Variants in SEMA3C observed in about 807,000 individuals in gnomAD.
SEMA3C encodes the protein semaphorin 3C.
In SEMA3C, 47 loss-of-function variants were observed where a neutral mutation model predicts 89.4. That is an observed-to-expected ratio of 0.53 (90% CI 0.42 to 0.67). SEMA3C has a LOEUF of 0.67. Among genes scored for constraint, SEMA3C ranks in the 30% least tolerant of loss-of-function variants. The pLI, the probability that SEMA3C is intolerant of heterozygous loss-of-function variation, is 0.00. For missense variants in SEMA3C, 839 were observed against 929.1 expected (o/e 0.90, Z 1.26); for synonymous variants, 310 against 320.2 (o/e 0.97, Z 0.34).
chr7:80,886,673 C>T (rs189549442), intron 2 of SEMA3C, among the ~76,000 whole-genome samples: 3 of 152,212 alleles, frequency 2.0e-5, no homozygotes, highest in Admixed American at 6.6e-5. Flanking sequence ...TTAAAAGTGA[C>T]TTGCATTCTC....
chr7:80,896,159 CA>C (rs1476584504), intron 2 of SEMA3C, among the ~76,000 whole-genome samples: 2 of 151,932 alleles, frequency 1.3e-5, no homozygotes, highest in Non-Finnish European at 2.9e-5. Flanking sequence ...TCGATTTCCC[CA>C]AAATAATCAA....
At chr7:80,745,445 G>T in intron 17 of SEMA3C, 138 bp from the exon 18 acceptor site, 1 of 818,474 alleles carries the variant, frequency 1.2e-6, no homozygotes, top group Non-Finnish European at 1.9e-6. Context: ...CTTCTCAGTG[G>T]ACATGAAATT....
At chr7:80,887,378 T>C (rs1019481149) in intron 2 of SEMA3C, among the ~76,000 whole-genome samples, 7 of 152,152 alleles carry the variant, frequency 4.6e-5, no homozygotes, top group African/African-American at 1.7e-4. Flanking sequence ...TGAGTTTCTC[T>C]CATGAGTTTC....
At chr7:80,857,580 A>C (rs534853347) in intron 2 of SEMA3C, among the ~76,000 whole-genome samples, 1 of 152,304 alleles carries the variant, frequency 6.6e-6, no homozygotes, top group East Asian at 1.9e-4. Context: ...AAGTGCTACA[A>C]AGGGGTCTCT....
chr7:80,799,097 T>A (rs1789135956), intron 10 of SEMA3C, among the ~76,000 whole-genome samples: 1 of 152,138 alleles, frequency 6.6e-6, no homozygotes, highest in African/African-American at 2.4e-5. Context: ...AAGAATTTGA[T>A]TTTTTTTCTT....
intron 2 of SEMA3C, among the ~76,000 whole-genome samples, chr7:80,908,821 A>G (rs929426531): frequency 7.2e-5 from 11 of 152,284 alleles, no homozygotes; most frequent in African/African-American, 2.2e-4. Context: ...CTGTCACTAT[A>G]TAAGTGTTAC....
intron 4 of SEMA3C, among the ~76,000 whole-genome samples, chr7:80,821,933 A>G (rs191729003): frequency 1.1e-4 from 17 of 151,160 alleles, no homozygotes; most frequent in East Asian, 3.9e-4. Context: ...CTGTTGCTCA[A>G]TGTGCTCCCT....
chr7:80,798,586 C>T (rs553226450), intron 10 of SEMA3C, among the ~76,000 whole-genome samples: 62 of 152,284 alleles, frequency 4.1e-4, no homozygotes, highest in African/African-American at 1.4e-3. Flanking sequence ...TTCCAAATCA[C>T]TATCAATATA....
At chr7:80,883,530 C>A in intron 2 of SEMA3C, among the ~76,000 whole-genome samples, 1 of 152,166 alleles carries the variant, frequency 6.6e-6, no homozygotes, top group East Asian at 1.9e-4. Flanking sequence ...AATACATGAA[C>A]TTTTAAGATC....
Position 80,802,740 on chromosome 7 carries a change from T to C in SEMA3C, c.841A>G (p.Thr281Ala). 2 of 1,613,474 alleles carry C rather than the reference T, an allele frequency of 1.2e-6. No individual in the cohort carries two copies. The highest frequency in any genetic ancestry group is 1.7e-6 in the Non-Finnish European group (2 of 1,179,506). The change falls in exon 9 of 18, where the codon ACC becomes GCC. Residue 281 changes from threonine (T) to alanine (A), a missense_variant. Transcript: ENST00000265361. ...ACCAGCCTCGCCTTTAAGAAAGTGG[T>C]CCACTTGTTGACAAGGCTACGCAGT... The part of the protein sequence containing the change: ...GGLRSLVNKW[T>A]TFLKARLVCS...
At chr7:80,761,591 G>A in intron 14 of SEMA3C, 25 bp downstream of exon 14, 1 of 1,170,486 alleles carries the variant, frequency 8.5e-7, no homozygotes. Context: ...AATAAGCAAA[G>A]AACATAAAAT....
intron 2 of SEMA3C, among the ~76,000 whole-genome samples, chr7:80,893,261 C>G (rs1030880400): frequency 1.3e-5 from 2 of 152,150 alleles, no homozygotes; most frequent in Non-Finnish European, 2.9e-5. Flanking sequence ...TTAGGTTTCT[C>G]CAGCCCCATT....
intron 6 of SEMA3C, among the ~76,000 whole-genome samples, chr7:80,809,251 T>C (rs1382799297): frequency 6.6e-6 from 1 of 152,200 alleles, no homozygotes; most frequent in East Asian, 1.9e-4. Flanking sequence ...AAAATAGCTT[T>C]ATTACCATCT....
intron 12 of SEMA3C, 85 bp from the exon 13 acceptor site, chr7:80,765,328 T>A (rs1788274452): frequency 2.1e-6 from 2 of 939,128 alleles, no homozygotes; most frequent in East Asian, 5.0e-5. Flanking sequence ...CTTGGACCAT[T>A]ATTTACATAA....
chr7:80,878,461 A>G (rs923160857), intron 2 of SEMA3C, among the ~76,000 whole-genome samples: 2 of 152,182 alleles, frequency 1.3e-5, no homozygotes, highest in African/African-American at 4.8e-5. Context: ...TAATCTGGAA[A>G]GTTTTATATT....
At chr7:80,795,839 T>A (rs1244639445) in intron 11 of SEMA3C, among the ~76,000 whole-genome samples, 1 of 152,174 alleles carries the variant, frequency 6.6e-6, no homozygotes, top group Non-Finnish European at 1.5e-5. Context: ...TTTGACAATT[T>A]CCATGGTGTA....
upstream of SEMA3C, among the ~76,000 whole-genome samples, chr7:80,919,563 T>TTTTTTTTG (rs1554395564): frequency 5.4e-4 from 78 of 145,234 alleles, 1 homozygote; most frequent in Middle Eastern, 3.6e-3. Flanking sequence ...TGCTGCGTTT[T>TTTTTTTTG]TTTTTTGTTT....
chr7:80,818,449 A>C, intron 4 of SEMA3C, 31 bp from the exon 5 acceptor site: 1 of 1,597,952 alleles, frequency 6.3e-7, no homozygotes, highest in Non-Finnish European at 8.6e-7. Flanking sequence ...GCAGTTAGTA[A>C]CTCAATGACT....
At chr7:80,869,612 A>T (rs1478755895) in intron 2 of SEMA3C, among the ~76,000 whole-genome samples, 27 of 152,222 alleles carry the variant, frequency 1.8e-4, no homozygotes, top group Admixed American at 1.7e-3. Flanking sequence ...GAGTAAAGTG[A>T]ATCAGAAGAG....
Sources: gnomAD v4.1 joint callset for allele counts (sites outside exome capture counted in the v4.1 genomes callset) on GRCh38, gnomAD v4.1.1 for gene constraint, MANE v1.5 for transcripts, NCBI Gene and HGNC (gene_info 2026-07-23, HGNC 2026-07-21) for gene names.